Variants in VTCN1 observed in about 807,000 individuals in gnomAD.
VTCN1 encodes V-set domain-containing T-cell activation inhibitor 1.
Under a neutral mutation model 26.5 loss-of-function variants are expected in VTCN1, and 26 were observed. The ratio of observed to expected loss-of-function variants is 0.98; its 90% CI spans 0.72 to 1.36. The LOEUF (loss-of-function observed/expected upper bound fraction) is 1.36, where lower values mean the gene tolerates loss of function less well. Ranked by LOEUF, VTCN1 falls within the 40% of genes most tolerant of loss-of-function variation. VTCN1 has a pLI of 0.00. For missense variants in VTCN1, 298 were observed against 337.7 expected, an observed-to-expected ratio of 0.88 and a Z score of 0.92; for synonymous variants, 116 against 130.7, an observed-to-expected ratio of 0.89 and a Z score of 0.77.
chr1:117,163,256 G>T (rs542188534), intron 2 of VTCN1, among the ~76,000 whole-genome samples: 1 of 152,346 alleles, frequency 6.6e-6, no homozygotes, highest in East Asian at 1.9e-4. Context: ...GGCTGCCTGG[G>T]TTGAAGTCCC....
chr1:117,151,703 G>C (rs571868488), intron 4 of VTCN1, among the ~76,000 whole-genome samples: 3 of 152,066 alleles, frequency 2.0e-5, no homozygotes, highest in African/African-American at 7.2e-5. Context: ...GTCCCCACTC[G>C]ACCCACGAAG....
intron 1 of VTCN1, among the ~76,000 whole-genome samples, chr1:117,185,704 G>A (rs550917049): frequency 5.3e-5 from 8 of 152,240 alleles, no homozygotes; most frequent in African/African-American, 1.4e-4. Flanking sequence ...CTTCATCTGC[G>A]TGATAAAATC....
Position 117,183,656 on chromosome 1 carries a change from G to A in VTCN1, c.33-13485C>T, listed in dbSNP as rs1188552423. Among the ~76,000 whole-genome samples the A allele has an allele frequency of 6.6e-6, 1 of 151,826 alleles. No individual in the cohort carries two copies. The highest frequency in any genetic ancestry group is 1.5e-5 in the Non-Finnish European group (1 of 67,880). ...CTTGGACATTTCTCTCCACAAACAA[G>A]GGGCAAAATAGAAGTGTTTCTCTAA... On this transcript the variant is annotated intron_variant, in intron 1 of 5. Transcript: ENST00000369458. The surrounding 1 kb of genome is among the most constrained non-coding windows in gnomAD (Gnocchi z 4.1).
At position 117,183,960 on chromosome 1, in the gene VTCN1, T is replaced by C. The variant is rs920497781; in HGVS notation, c.33-13789A>G. On this transcript the variant is annotated intron_variant, in intron 1 of 5. Transcript: ENST00000369458. This position sits in a 1 kb window ranked among gnomAD's most constrained non-coding sequence, Gnocchi z 4.1. The stretch of plus-strand genomic sequence containing the variant: ...GCATTCCAGGGACCAAAAGCTTCTG[T>C]CTTCAGAGCCATACCAAACACCAGA... Among the ~76,000 whole-genome samples the C allele has an allele frequency of 6.6e-6, 1 of 152,042 alleles. No individual in the cohort carries two copies. The highest frequency in any genetic ancestry group is 2.4e-5 in the African/African-American group (1 of 41,378).
intron 1 of VTCN1, among the ~76,000 whole-genome samples, chr1:117,176,812 A>G (rs1162254308): frequency 6.6e-6 from 1 of 152,162 alleles, no homozygotes; most frequent in Admixed American, 6.5e-5. Context: ...CAAAGAGGAG[A>G]TTAAGGCTGA....
At chr1:117,168,670 T>C (rs1249746403) in intron 2 of VTCN1, among the ~76,000 whole-genome samples, 1 of 152,082 alleles carries the variant, frequency 6.6e-6, no homozygotes, top group Non-Finnish European at 1.5e-5. Context: ...GCATCCATGA[T>C]AAAGAAGGAA....
At chr1:117,148,919 G>A (rs984470750) in intron 4 of VTCN1, among the ~76,000 whole-genome samples, 1 of 152,204 alleles carries the variant, frequency 6.6e-6, no homozygotes, top group Non-Finnish European at 1.5e-5. Flanking sequence ...CTGACGGCCT[G>A]CAGGAGCACA....
intron 2 of VTCN1, among the ~76,000 whole-genome samples, chr1:117,166,918 C>T (rs568103294): frequency 9.0e-4 from 136 of 151,240 alleles, no homozygotes; most frequent in Non-Finnish European, 1.3e-3. Flanking sequence ...AGGGCAAAAT[C>T]CCATCTCTAC....
chr1:117,182,854 C>G (rs564754463), intron 1 of VTCN1, among the ~76,000 whole-genome samples: 8 of 152,256 alleles, frequency 5.3e-5, no homozygotes, highest in Admixed American at 2.6e-4. Flanking sequence ...CAACCTGATG[C>G]TATGTGCTGT....
At chr1:117,149,785 A>G (rs1466625317) in intron 4 of VTCN1, among the ~76,000 whole-genome samples, 1 of 152,246 alleles carries the variant, frequency 6.6e-6, no homozygotes, top group African/African-American at 2.4e-5. Context: ...ATAGGCAGAG[A>G]ACACAATATG....
At chr1:117,178,213 A>ACAG (rs1485929091) in intron 1 of VTCN1, among the ~76,000 whole-genome samples, 2 of 151,230 alleles carry the variant, frequency 1.3e-5, no homozygotes, top group Non-Finnish European at 2.9e-5. Flanking sequence ...TGTGGGGATT[A>ACAG]CAGGCACACC....
intron 1 of VTCN1, among the ~76,000 whole-genome samples, chr1:117,200,556 T>C (rs1570991416): frequency 6.6e-6 from 1 of 152,240 alleles, no homozygotes; most frequent in East Asian, 1.9e-4. Flanking sequence ...CCTTTGAATA[T>C]CTTCTTTGCC....
chr1:117,194,940 C>G (rs1648433777), intron 1 of VTCN1, among the ~76,000 whole-genome samples: 3 of 152,010 alleles, frequency 2.0e-5, no homozygotes, highest in Non-Finnish European at 4.4e-5. Flanking sequence ...TTCTGGGGAT[C>G]TAATATACAG....
intron 1 of VTCN1, among the ~76,000 whole-genome samples, chr1:117,204,129 C>T (rs528604655): frequency 1.3e-5 from 2 of 152,238 alleles, no homozygotes; most frequent in South Asian, 2.1e-4. Flanking sequence ...CTTGTCATTC[C>T]TCTCCCTCCC....
Position 117,169,989 on chromosome 1 carries a change from C to G in VTCN1, c.97+118G>C. 3 of 897,118 alleles carry G rather than the reference C, an allele frequency of 3.3e-6. No homozygotes were observed. In the South Asian group the frequency reaches 4.3e-5, roughly 13 times the overall value. The allele number at this position is 897,118 out of a possible 1,614,324, so 55.6% of individuals were successfully genotyped here. A position where few individuals can be genotyped will look rare whatever the true frequency, so the allele number is the denominator to read the frequency against. ...AGCACAAGAAGTAGAAGAATGAATGCTATACTCTGAGGTTTTCTGGGTCAA... is the reference window on the plus strand; with the variant it reads ...AGCACAAGAAGTAGAAGAATGAATGGTATACTCTGAGGTTTTCTGGGTCAA... On this transcript the variant is annotated intron_variant, in intron 2 of 5. Transcript: ENST00000369458. This position sits in a 1 kb window ranked among gnomAD's most constrained non-coding sequence, Gnocchi z 4.0.
rs115813837 is a variant in VTCN1, at chr1:117,210,137, G to A, written c.32+687C>T. 6.7e-3 allele frequency among the ~76,000 whole-genome samples: 1,026 copies of A among 152,218 alleles called. 13 individuals carry two copies. Among genetic ancestry groups the A allele is most frequent in the African/African-American group, 0.022 (926 of 41,520 alleles). On this transcript the variant is annotated intron_variant, in intron 1 of 5. Coordinates refer to ENST00000369458, the MANE Select transcript of VTCN1 (RefSeq NM_024626.4). ...AAATGCTGTTCTGAGGGAAAAAGAGGCAACTAGAATGTAGCTCAGGGGAGA... is the reference window on the plus strand; with the variant it reads ...AAATGCTGTTCTGAGGGAAAAAGAGACAACTAGAATGTAGCTCAGGGGAGA...
In VTCN1 at chr1:117,170,126, G is replaced by C; in HGVS notation, c.78C>G (p.Ile26Met). Reference sequence around the variant, plus strand: ...ACATACCTGAAATACCAAAGCCAATGATGAGTGCAATTGCTCCAGCCAGAA... The same window carrying C: ...ACATACCTGAAATACCAAAGCCAATCATGAGTGCAATTGCTCCAGCCAGAA... ...IIILAGAIAL[I>M]IGFGISGRHS... Residue 26 changes from isoleucine (I) to methionine (M), a missense_variant, in exon 2 of 6, where the codon ATC (isoleucine) becomes ATG (methionine). Transcript: ENST00000369458. 4 of 1,613,900 alleles carry C rather than the reference G, an allele frequency of 2.5e-6. No homozygotes were observed. The highest frequency in any genetic ancestry group is 3.4e-6 in the Non-Finnish European group (4 of 1,179,860).
At chr1:117,166,303 C>A (rs1374399321) in intron 2 of VTCN1, among the ~76,000 whole-genome samples, 1 of 152,094 alleles carries the variant, frequency 6.6e-6, no homozygotes, top group East Asian at 1.9e-4. Flanking sequence ...CACTAACAAC[C>A]AAAAGATAAA....
chr1:117,148,482 G>A (rs552493633), intron 4 of VTCN1, among the ~76,000 whole-genome samples: 3 of 152,284 alleles, frequency 2.0e-5, no homozygotes, highest in Non-Finnish European at 2.9e-5. Context: ...AGTACTGGCT[G>A]TAAAAACGAC....
Sources: gnomAD v4.1 joint callset for allele counts (sites outside exome capture counted in the v4.1 genomes callset) on GRCh38, gnomAD v4.1.1 for gene constraint, Gnocchi (gnomAD v3.1) non-coding constraint, MANE v1.5 for transcripts, NCBI Gene and HGNC (gene_info 2026-07-23, HGNC 2026-07-21) for gene names.